Variants in SOX5 observed in about 807,000 individuals in gnomAD.
SOX5 encodes the protein SRY-box transcription factor 5.
In SOX5, 9 loss-of-function variants were observed where a neutral mutation model predicts 92.0. The observed-to-expected ratio is 0.10, with a 90% confidence interval of 0.06 to 0.17. The LOEUF (loss-of-function observed/expected upper bound fraction) is 0.17, where lower values mean the gene tolerates loss of function less well. Among genes scored for constraint, SOX5 ranks in the 10% least tolerant of loss-of-function variants. The pLI is 1.00. For synonymous variants in SOX5, 344 were observed against 336.3 expected (o/e 1.02, Z -0.25); for missense variants, 642 against 944.5 (o/e 0.68, Z 4.20).
At chr12:23,629,750 C>T (rs1193977972) in intron 8 of SOX5, among the ~76,000 whole-genome samples, 1 of 151,904 alleles carries the variant, frequency 6.6e-6, no homozygotes, top group Admixed American at 6.6e-5. Flanking sequence ...TTTCATATTT[C>T]ATTCATTCTC....
chr12:23,636,112 T>C (rs889190357), intron 8 of SOX5, among the ~76,000 whole-genome samples: 6 of 152,206 alleles, frequency 3.9e-5, no homozygotes, highest in African/African-American at 1.4e-4. Flanking sequence ...AGTTGGCTAA[T>C]GTGAATTGAA....
chr12:24,050,302 G>A (rs1957445405), intron 4 of SOX5, among the ~76,000 whole-genome samples: 1 of 152,016 alleles, frequency 6.6e-6, no homozygotes, highest in Non-Finnish European at 1.5e-5. Context: ...CACATAAACA[G>A]GTGTATAATT....
intron 3 of SOX5, among the ~76,000 whole-genome samples, chr12:23,831,200 A>G (rs1443157184): frequency 6.6e-6 from 1 of 152,158 alleles, no homozygotes; most frequent in Non-Finnish European, 1.5e-5. Context: ...TAGAAGGTGC[A>G]ATCAATTAAA....
At chr12:24,009,047 G>A (rs1952627922) in intron 4 of SOX5, among the ~76,000 whole-genome samples, 1 of 152,166 alleles carries the variant, frequency 6.6e-6, no homozygotes, top group African/African-American at 2.4e-5. Flanking sequence ...AGGCTGCAGG[G>A]AAAAGAAAAA....
At chr12:24,175,082 A>G (rs1293792165) in intron 4 of SOX5, among the ~76,000 whole-genome samples, 1 of 152,208 alleles carries the variant, frequency 6.6e-6, no homozygotes, top group African/African-American at 2.4e-5. Flanking sequence ...AACTACATGG[A>G]GCATGCAAAT....
At chr12:23,948,507 T>C (rs1944981808) in intron 1 of SOX5, among the ~76,000 whole-genome samples, 2 of 152,012 alleles carry the variant, frequency 1.3e-5, no homozygotes, top group African/African-American at 2.4e-5. Flanking sequence ...CTAGCTTGCA[T>C]TGCATAGTCA....
chr12:24,032,071 G>C (rs1434881153), intron 4 of SOX5, among the ~76,000 whole-genome samples: 2 of 151,780 alleles, frequency 1.3e-5, no homozygotes, highest in Admixed American at 1.3e-4. Flanking sequence ...ATGGGGAAGA[G>C]GAGAACTAAA....
chr12:24,111,128 G>T (rs1283474649), intron 4 of SOX5, among the ~76,000 whole-genome samples: 1 of 151,662 alleles, frequency 6.6e-6, no homozygotes, highest in East Asian at 1.9e-4. Context: ...ACTGGGAAAA[G>T]CAAAAATGTC....
At chr12:24,562,145 C>T (rs891017910) in intron 1 of SOX5, among the ~76,000 whole-genome samples, 4 of 152,204 alleles carry the variant, frequency 2.6e-5, no homozygotes, top group Non-Finnish European at 5.9e-5. Context: ...AGCCCAGTCC[C>T]CCTCCCTCTG....
intron 4 of SOX5, among the ~76,000 whole-genome samples, chr12:24,145,386 A>G (rs1054574395): frequency 3.3e-5 from 5 of 152,234 alleles, no homozygotes; most frequent in Non-Finnish European, 5.9e-5. Flanking sequence ...CAATTAATAA[A>G]CAGAATGAAT....
intron 3 of SOX5, among the ~76,000 whole-genome samples, chr12:23,839,023 AT>A (rs1484221717): frequency 7.5e-6 from 1 of 133,154 alleles, no homozygotes; most frequent in Non-Finnish European, 1.6e-5. Flanking sequence ...TTTTTTTTGT[AT>A]TTTTAGTAGA....
intron 2 of SOX5, among the ~76,000 whole-genome samples, chr12:23,868,545 T>C (rs1316506044): frequency 5.3e-5 from 8 of 152,120 alleles, no homozygotes; most frequent in African/African-American, 1.9e-4. Flanking sequence ...AAGTTATATG[T>C]ACAAGTATTT....
intron 1 of SOX5, among the ~76,000 whole-genome samples, chr12:24,455,902 A>G (rs1027980603): frequency 3.9e-5 from 6 of 152,160 alleles, no homozygotes; most frequent in Non-Finnish European, 8.8e-5. Flanking sequence ...GAGGCCCAGT[A>G]TCCTTACCTC....
intron 4 of SOX5, among the ~76,000 whole-genome samples, chr12:23,989,411 T>G (rs1403057553): frequency 1.3e-5 from 2 of 151,592 alleles, no homozygotes; most frequent in Non-Finnish European, 2.9e-5. Context: ...AATCAATCAA[T>G]CAGTATCTTA....
At chr12:24,240,874 A>G (rs1471608542) in intron 3 of SOX5, among the ~76,000 whole-genome samples, 1 of 152,174 alleles carries the variant, frequency 6.6e-6, no homozygotes, top group African/African-American at 2.4e-5. Flanking sequence ...TCAACTTGAG[A>G]CACTTATTAG....
intron 1 of SOX5, among the ~76,000 whole-genome samples, chr12:23,908,012 C>A (rs1444680768): frequency 2.6e-5 from 4 of 152,130 alleles, no homozygotes; most frequent in Non-Finnish European, 5.9e-5. Flanking sequence ...CACTCTTGCT[C>A]TCTCCCTCCC....
intron 1 of SOX5, among the ~76,000 whole-genome samples, chr12:24,374,659 C>CA (rs1383763742): frequency 1.3e-5 from 2 of 152,136 alleles, no homozygotes; most frequent in African/African-American, 4.8e-5. Context: ...CAGGTGGGGC[C>CA]AATTGCATCA....
intron 1 of SOX5, among the ~76,000 whole-genome samples, chr12:24,422,709 T>C (rs578052345): frequency 6.6e-6 from 1 of 152,142 alleles, no homozygotes; most frequent in Non-Finnish European, 1.5e-5. Context: ...ATAAAAAAGG[T>C]AACAATTTAG....
intron 4 of SOX5, among the ~76,000 whole-genome samples, chr12:24,072,342 G>T (rs1010263200): frequency 6.6e-6 from 1 of 152,084 alleles, no homozygotes; most frequent in Non-Finnish European, 1.5e-5. Flanking sequence ...AAAACAGATT[G>T]TCATATAAAA....
Sources: allele counts gnomAD v4.1 joint callset (sites outside exome capture counted in the v4.1 genomes callset), GRCh38; gene constraint gnomAD v4.1.1; transcripts MANE v1.5; gene names NCBI Gene and HGNC (gene_info 2026-07-23, HGNC 2026-07-21).